Variants in NLGN1 observed in about 807,000 individuals in gnomAD.
NLGN1 encodes neuroligin 1, also known as neuroligin-1.
A neutral mutation model predicts 65.5 loss-of-function variants in NLGN1; 12 were observed. That is an observed-to-expected ratio of 0.18 (90% confidence interval 0.12 to 0.30). The LOEUF (loss-of-function observed/expected upper bound fraction) is 0.30, where lower values mean the gene tolerates loss of function less well. Ranked by LOEUF, NLGN1 falls within the 10% of genes least tolerant of loss-of-function variation. NLGN1 has a pLI of 1.00. For synonymous variants in NLGN1, 350 were observed against 359.5 expected, an observed-to-expected ratio of 0.97 and a Z score of 0.30; for missense variants, 750 against 1,007.1, an observed-to-expected ratio of 0.74 and a Z score of 3.46.
At chr3:174,055,901 A>G (rs1377677758) in intron 4 of NLGN1, among the ~76,000 whole-genome samples, 3 of 151,486 alleles carry the variant, frequency 2.0e-5, no homozygotes, top group Non-Finnish European at 4.4e-5. Context: ...AAAAGTGGAC[A>G]TTGATTTTTT....
At chr3:174,196,297 G>C (rs970936965) in intron 4 of NLGN1, among the ~76,000 whole-genome samples, 1 of 150,440 alleles carries the variant, frequency 6.6e-6, no homozygotes, top group African/African-American at 2.4e-5. Context: ...AGATAATTCT[G>C]TACATCTATT....
chr3:173,792,479 T>C (rs7630450), intron 3 of NLGN1, among the ~76,000 whole-genome samples: 124,988 of 152,098 alleles, frequency 0.82, 52,112 homozygotes, highest in Non-Finnish European at 0.87. Context: ...TTACACATTA[T>C]TGTAGAGGAG....
intron 2 of NLGN1, among the ~76,000 whole-genome samples, chr3:173,567,494 C>T (rs1743883824): frequency 6.6e-6 from 1 of 151,730 alleles, no homozygotes; most frequent in Non-Finnish European, 1.5e-5. Flanking sequence ...TTTTTATGTG[C>T]TTCAAATTTC....
chr3:173,485,049 G>A (rs2148983686), intron 2 of NLGN1, among the ~76,000 whole-genome samples: 1 of 151,406 alleles, frequency 6.6e-6, no homozygotes, highest in East Asian at 1.9e-4. Flanking sequence ...CACATGCTTG[G>A]GGAGGCCTCA....
Position 174,031,507 on chromosome 3 carries a change from C to T in NLGN1, c.646+223675C>T, listed in dbSNP as rs115572937. Among the ~76,000 whole-genome samples, 1,250 of 152,218 alleles carry T rather than the reference C, an allele frequency of 8.2e-3. 16 individuals are homozygous for T. The highest frequency in any genetic ancestry group is 0.028 in the African/African-American group (1,167 of 41,532). On this transcript the variant is annotated intron_variant, in intron 4 of 6. Coordinates refer to ENST00000457714, the Ensembl canonical transcript of NLGN1. ...AGAAAGAGGCAAATTGAAGACTTTT[C>T]AGGAGAAAACGACAACAAGCCATTG...
intron 1 of NLGN1, among the ~76,000 whole-genome samples, chr3:173,431,156 C>T (rs1351763706): frequency 4.6e-5 from 7 of 152,178 alleles, no homozygotes; most frequent in Non-Finnish European, 5.9e-5. Context: ...CATTTTAGGG[C>T]GGAACACATG....
chr3:173,863,887 A>G (rs1395136560), intron 4 of NLGN1, among the ~76,000 whole-genome samples: 1 of 152,180 alleles, frequency 6.6e-6, no homozygotes, highest in African/African-American at 2.4e-5. Flanking sequence ...TTCATATTGT[A>G]TTAATGTAGA....
chr3:174,167,658 G>A (rs1248275883), intron 4 of NLGN1, among the ~76,000 whole-genome samples: 1 of 148,620 alleles, frequency 6.7e-6, no homozygotes, highest in Non-Finnish European at 1.5e-5. Context: ...TTGACCTTGG[G>A]CAGTCTGGTG....
chr3:174,057,564 A>T (rs186829257), intron 4 of NLGN1: 67 of 152,210 alleles, frequency 4.4e-4, no homozygotes, highest in African/African-American at 1.5e-3. Flanking sequence ...CTAATCTTCC[A>T]TGTGTATTTT....
intron 3 of NLGN1, among the ~76,000 whole-genome samples, chr3:173,782,679 C>T (rs1336481573): frequency 3.6e-5 from 5 of 139,076 alleles, no homozygotes; most frequent in Non-Finnish European, 6.2e-5. Flanking sequence ...TTATTGTGTA[C>T]TCAAAGCTTA....
chr3:173,439,730 C>A (rs529579643), intron 2 of NLGN1, among the ~76,000 whole-genome samples: 15 of 151,828 alleles, frequency 9.9e-5, no homozygotes, highest in African/African-American at 3.6e-4. Context: ...AAGCAAAATA[C>A]GTATCTTAAT....
At chr3:173,585,020 T>C (rs1747115347) in intron 2 of NLGN1, 1 of 152,190 alleles carries the variant, frequency 6.6e-6, no homozygotes, top group African/African-American at 2.4e-5. Context: ...CCTCTGTGGA[T>C]TTATCTTGCT....
chr3:173,414,051 C>A (rs1307376781), intron 1 of NLGN1, among the ~76,000 whole-genome samples: 2 of 152,240 alleles, frequency 1.3e-5, no homozygotes, highest in East Asian at 3.9e-4. Flanking sequence ...CCCCAAAGTG[C>A]CTCCAAAGCA....
At chr3:174,146,942 G>T (rs537009384) in intron 4 of NLGN1, among the ~76,000 whole-genome samples, 18 of 152,234 alleles carry the variant, frequency 1.2e-4, no homozygotes, top group African/African-American at 3.4e-4. Flanking sequence ...TCTTAGTAGT[G>T]TTTACATAAA....
At chr3:173,719,386 T>C (rs1364844391) in intron 3 of NLGN1, among the ~76,000 whole-genome samples, 1 of 152,200 alleles carries the variant, frequency 6.6e-6, no homozygotes, top group Non-Finnish European at 1.5e-5. Context: ...CTTCCTTTTG[T>C]CAATTTTTTT....
chr3:174,200,159 T>C (rs1266254270), intron 4 of NLGN1, among the ~76,000 whole-genome samples: 1 of 152,216 alleles, frequency 6.6e-6, no homozygotes, highest in Non-Finnish European at 1.5e-5. Flanking sequence ...TTGGAAAAAT[T>C]ACTTAATCTC....
intron 2 of NLGN1, among the ~76,000 whole-genome samples, chr3:173,493,011 A>G (rs1340665063): frequency 6.6e-6 from 1 of 151,814 alleles, no homozygotes; most frequent in East Asian, 1.9e-4. Context: ...TTATTATTAT[A>G]TGTTAATGAA....
At chr3:174,235,681 G>A (rs1214945617) in intron 4 of NLGN1, among the ~76,000 whole-genome samples, 2 of 152,008 alleles carry the variant, frequency 1.3e-5, no homozygotes, top group African/African-American at 4.8e-5. Context: ...AGGACATATA[G>A]TTGCACTTTC....
intron 4 of NLGN1, among the ~76,000 whole-genome samples, chr3:174,156,777 T>C (rs1725526932): frequency 6.6e-6 from 1 of 151,612 alleles, no homozygotes; most frequent in African/African-American, 2.4e-5. Flanking sequence ...AATGTCAAAA[T>C]GTAAAACAAA....
Sources: allele counts gnomAD v4.1 joint callset (sites outside exome capture counted in the v4.1 genomes callset), GRCh38; gene constraint gnomAD v4.1.1; transcripts MANE v1.5; gene names NCBI Gene and HGNC (gene_info 2026-07-23, HGNC 2026-07-21).